The following SAMD5 variants were observed in gnomAD, a reference collection of about 807,000 sequenced individuals.
SAMD5 encodes the protein sterile alpha motif domain-containing protein 5.
SAMD5 carries 13 observed loss-of-function variants against 11.3 expected under a neutral mutation model. The observed-to-expected ratio is 1.15, with a 90% CI of 0.75 to 1.83. The LOEUF (loss-of-function observed/expected upper bound fraction) is 1.83, where lower values mean the gene tolerates loss of function less well. SAMD5 is among the 40% of genes most tolerant of loss of function. The pLI is 0.00. For synonymous variants in SAMD5, 129 were observed against 111.3 expected (o/e 1.16, Z -1.00); for missense variants, 255 against 239.1 (o/e 1.07, Z -0.44).
At chr6:147,939,986 G>A in the SAMD5 span, among the ~76,000 whole-genome samples, 30 of 152,128 alleles carry the variant, frequency 2.0e-4, no homozygotes, top group Admixed American at 1.4e-3. Flanking sequence ...AAGTACTATC[G>A]GAGCTGTATT....
rs577105365 is a variant in SAMD5 at position 147,546,055 on chromosome 6, C to G, written c.460-18339C>G. On this transcript the variant is annotated intron_variant, in intron 1 of 1. Coordinates refer to ENST00000367474, the MANE Select transcript of SAMD5 (RefSeq NM_001030060.3). The stretch of plus-strand genomic sequence containing the variant: ...AAATATCTGCCCCACCTCCAACCCC[C>G]AAATTCGAAACCTTAACATAATAAA... Among the ~76,000 whole-genome samples, 178 of 152,260 alleles carry G rather than the reference C, an allele frequency of 1.2e-3. 1 individual carries two copies. Among genetic ancestry groups the G allele is most frequent in the African/African-American group, 4.0e-3 (167 of 41,542 alleles).
At chr6:147,531,254 T>C (rs1275441597) in intron 1 of SAMD5, among the ~76,000 whole-genome samples, 1 of 152,158 alleles carries the variant, frequency 6.6e-6, no homozygotes, top group Non-Finnish European at 1.5e-5. Flanking sequence ...AGAAAAATAT[T>C]TTAATCCTGT....
At chr6:147,621,952 T>A (rs1789974994) in intron 1 of SAMD5, among the ~76,000 whole-genome samples, 3 of 152,218 alleles carry the variant, frequency 2.0e-5, no homozygotes. Context: ...TCTGAACGGA[T>A]AAAATGATTC....
the SAMD5 span, among the ~76,000 whole-genome samples, chr6:147,893,375 C>T: frequency 6.6e-6 from 1 of 152,038 alleles, no homozygotes; most frequent in Non-Finnish European, 1.5e-5. Context: ...AATTTGAAGC[C>T]AGAATCTGAC....
the SAMD5 span, among the ~76,000 whole-genome samples, chr6:147,875,765 G>A: frequency 0.026 from 3,909 of 152,166 alleles, 57 homozygotes; most frequent in African/African-American, 0.034. Context: ...TAGGTTGCAC[G>A]TTCCTTATGA....
chr6:147,953,931 G>A, the SAMD5 span: 2 of 152,134 alleles, frequency 1.3e-5, no homozygotes, highest in South Asian at 2.1e-4. Flanking sequence ...AATTAAAACC[G>A]TTTAAATTTT....
At chr6:147,787,738 C>T in the SAMD5 span, among the ~76,000 whole-genome samples, 2 of 152,144 alleles carry the variant, frequency 1.3e-5, no homozygotes, top group South Asian at 4.1e-4. Flanking sequence ...TTTTCTTTTC[C>T]CTGCTTGGTC....
chr6:147,713,249 A>G (rs1409968179), intron 1 of SAMD5, among the ~76,000 whole-genome samples: 1 of 152,216 alleles, frequency 6.6e-6, no homozygotes, highest in Non-Finnish European at 1.5e-5. Flanking sequence ...GTTTGAAGAA[A>G]ACAAAGGATG....
intron 1 of SAMD5, among the ~76,000 whole-genome samples, chr6:147,665,688 T>A (rs2128454891): frequency 6.6e-6 from 1 of 152,200 alleles, no homozygotes; most frequent in East Asian, 1.9e-4. Flanking sequence ...TCAACAGACA[T>A]AATTTCTGCC....
intron 1 of SAMD5, among the ~76,000 whole-genome samples, chr6:147,605,674 A>G (rs1789688731): frequency 1.3e-5 from 2 of 152,140 alleles, no homozygotes; most frequent in Admixed American, 1.3e-4. Context: ...TACCCCCTTT[A>G]TGCTTTCCTA....
chr6:147,733,411 G>A (rs1791745636), intron 1 of SAMD5, among the ~76,000 whole-genome samples: 1 of 152,094 alleles, frequency 6.6e-6, no homozygotes, highest in Non-Finnish European at 1.5e-5. Context: ...TGCGTTTTCT[G>A]CACGGAGTAC....
At chr6:147,666,358 G>T (rs1241158107) in intron 1 of SAMD5, among the ~76,000 whole-genome samples, 1 of 152,200 alleles carries the variant, frequency 6.6e-6, no homozygotes, top group Admixed American at 6.5e-5. Flanking sequence ...TGAGAAGAGG[G>T]CCTTAAATAA....
intron 1 of SAMD5, among the ~76,000 whole-genome samples, chr6:147,542,170 T>C (rs1209579212): frequency 6.6e-6 from 1 of 152,168 alleles, no homozygotes; most frequent in Non-Finnish European, 1.5e-5. Context: ...TCCATGCATA[T>C]TGGGTCGGCA....
Position 147,714,811 on chromosome 6 carries a change from T to C in SAMD5, c.163-22506T>C, listed in dbSNP as rs1791444420. On this transcript the variant is annotated intron_variant, in intron 1 of 1. Transcript: ENST00000566741. ...AAAAAAACGAATGACTTAGGTGGTC[T>C]TGGGGCCATACTTTGAGTAACGCAA... Among the ~76,000 whole-genome samples, 3 of 152,204 alleles carry C rather than the reference T, an allele frequency of 2.0e-5. No homozygotes were observed. The South Asian group carries it at 6.2e-4, about 32-fold the overall frequency.
chr6:147,525,701 C>T (rs1298512469), intron 1 of SAMD5, among the ~76,000 whole-genome samples: 1 of 152,048 alleles, frequency 6.6e-6, no homozygotes, highest in Non-Finnish European at 1.5e-5. Flanking sequence ...GCGAAATCAA[C>T]ACCTATGTCA....
At chr6:147,593,034 G>T (rs1789479129) in intron 1 of SAMD5, among the ~76,000 whole-genome samples, 1 of 152,078 alleles carries the variant, frequency 6.6e-6, no homozygotes, top group South Asian at 2.1e-4. Flanking sequence ...AGGTAATTAA[G>T]GTTGTGAGGG....
intron 1 of SAMD5, among the ~76,000 whole-genome samples, chr6:147,643,744 A>AGAAGGAAGGAAGGGAG (rs1554239611): frequency 1.3e-4 from 15 of 116,072 alleles, no homozygotes; most frequent in African/African-American, 3.8e-4. Flanking sequence ...AGGGAAGGAA[A>AGAAGGAAGGAAGGGAG]GAAGGAAGGA....
the SAMD5 span, among the ~76,000 whole-genome samples, chr6:147,869,145 T>C: frequency 6.6e-6 from 1 of 152,196 alleles, no homozygotes; most frequent in East Asian, 1.9e-4. Flanking sequence ...AGAAAGAAAT[T>C]TCTCTGATTA....
the SAMD5 span, among the ~76,000 whole-genome samples, chr6:147,924,887 A>G: frequency 6.6e-6 from 1 of 152,054 alleles, no homozygotes; most frequent in Non-Finnish European, 1.5e-5. Flanking sequence ...CAGATCTTTA[A>G]TTCTTGATGA....
Sources: gnomAD v4.1 joint callset for allele counts (sites outside exome capture counted in the v4.1 genomes callset) on GRCh38, gnomAD v4.1.1 for gene constraint, MANE v1.5 for transcripts, NCBI Gene and HGNC (gene_info 2026-07-23, HGNC 2026-07-21) for gene names.